Variants in EPG5 observed in about 807,000 individuals in gnomAD.
The protein encoded by EPG5 is ectopic P granules protein 5 homolog.
Under a neutral mutation model 302.7 loss-of-function variants are expected in EPG5, and 159 were observed. That is an observed-to-expected ratio of 0.53 (90% CI 0.46 to 0.60). EPG5 has a LOEUF of 0.60. Ranked by LOEUF, EPG5 falls within the 20% of genes least tolerant of loss-of-function variation. The pLI is 0.00. For synonymous variants in EPG5, 1,158 were observed against 1,136.8 expected (o/e 1.02, Z -0.37); for missense variants, 2,896 against 3,092.4 (o/e 0.94, Z 1.51).
At chr18:45,934,763 A>G (rs562599591) in intron 11 of EPG5, 46 bp downstream of exon 11, 1 of 1,555,168 alleles carries the variant, frequency 6.4e-7, no homozygotes, top group Non-Finnish European at 8.7e-7. Context: ...AGAGAAGCAC[A>G]AAAAGATAGG....
chr18:45,879,316 A>G, intron 32 of EPG5, 102 bp from the exon 33 acceptor site: 2 of 787,772 alleles, frequency 2.5e-6, no homozygotes, highest in South Asian at 3.6e-5. Context: ...CTTTGACTTT[A>G]TAAGAGAGTG....
chr18:45,961,245 T>C (rs1036410060), intron 1 of EPG5, among the ~76,000 whole-genome samples: 1 of 152,204 alleles, frequency 6.6e-6, no homozygotes, highest in African/African-American at 2.4e-5. Context: ...GTCACAGTGA[T>C]TCTTTAAAGC....
intron 27 of EPG5, among the ~76,000 whole-genome samples, chr18:45,897,951 A>G (rs1301542045): frequency 6.6e-6 from 1 of 152,242 alleles, no homozygotes; most frequent in Non-Finnish European, 1.5e-5. Flanking sequence ...AACAAAAAAG[A>G]ATCATTTGTG....
intron 10 of EPG5, among the ~76,000 whole-genome samples, chr18:45,938,328 G>A (rs2050583085): frequency 6.6e-6 from 1 of 152,030 alleles, no homozygotes; most frequent in Non-Finnish European, 1.5e-5. Flanking sequence ...CGGGCATGAT[G>A]GCAAGCGCCT....
At chr18:45,924,552 C>T (rs2050229846) in intron 14 of EPG5, among the ~76,000 whole-genome samples, 2 of 152,186 alleles carry the variant, frequency 1.3e-5, no homozygotes, top group Non-Finnish European at 2.9e-5. Flanking sequence ...CACCATTTTC[C>T]CTTTTAAATG....
downstream of EPG5, among the ~76,000 whole-genome samples, chr18:45,846,076 G>A (rs1278666322): frequency 6.6e-6 from 1 of 152,168 alleles, no homozygotes; most frequent in African/African-American, 2.4e-5. Flanking sequence ...TCCCCCACCA[G>A]TCACAGAAGC....
intron 3 of EPG5, among the ~76,000 whole-genome samples, chr18:45,951,750 CA>C (rs1206962653): frequency 4.3e-4 from 65 of 152,288 alleles, no homozygotes; most frequent in Non-Finnish European, 1.5e-4. Context: ...TGAGCCACCA[CA>C]CCCGGCCATA....
chr18:45,828,193 T>A, the EPG5 span, among the ~76,000 whole-genome samples: 2 of 152,128 alleles, frequency 1.3e-5, no homozygotes, highest in Non-Finnish European at 2.9e-5. Flanking sequence ...CAGACGCCTG[T>A]GCCAACGCAG....
intron 10 of EPG5, among the ~76,000 whole-genome samples, chr18:45,938,876 G>A (rs2050597031): frequency 6.6e-6 from 1 of 152,230 alleles, no homozygotes; most frequent in South Asian, 2.1e-4. Context: ...AGAGTTACAT[G>A]GCAAGAGGGA....
chr18:45,835,080 A>G, the EPG5 span, among the ~76,000 whole-genome samples: 9 of 151,612 alleles, frequency 5.9e-5, no homozygotes, highest in Non-Finnish European at 2.9e-5. Flanking sequence ...TTTGTCCAGA[A>G]AAAAAAAAGG....
At chr18:45,811,863 G>A in the EPG5 span, among the ~76,000 whole-genome samples, 1 of 152,162 alleles carries the variant, frequency 6.6e-6, no homozygotes, top group African/African-American at 2.4e-5. Flanking sequence ...GCACAAGACA[G>A]GGATGCCCTC....
At chr18:45,853,058 C>T (rs549763633) in intron 43 of EPG5, among the ~76,000 whole-genome samples, 122 of 152,348 alleles carry the variant, frequency 8.0e-4, no homozygotes, top group African/African-American at 2.8e-3. Context: ...CCACTCCTTC[C>T]GTTCTAGGGC....
chr18:45,951,252 A>C lies in EPG5; in HGVS notation c.1253-14T>G. The C allele has an allele frequency of 6.9e-7, 1 of 1,451,002 alleles. No homozygotes were observed. Among genetic ancestry groups the C allele is most frequent in the South Asian group, 1.6e-5 (1 of 61,438 alleles). 89.9% of individuals were successfully genotyped at this position (1,451,002 alleles called of 1,614,324 possible). A position where few individuals can be genotyped will look rare whatever the true frequency, so the allele number is the denominator to read the frequency against. On this transcript the variant is annotated splice_polypyrimidine_tract_variant and intron_variant, in intron 3 of 43. Transcript: ENST00000282041. The stretch of plus-strand genomic sequence containing the variant: ...TCTGCTTAGACGCTGTAAATGAAAG[A>C]TATTAAATGAGTCTCTCATAAATGG...
intron 16 of EPG5, among the ~76,000 whole-genome samples, chr18:45,919,650 C>A (rs1478108742): frequency 1.3e-5 from 2 of 151,882 alleles, no homozygotes; most frequent in Non-Finnish European, 2.9e-5. Flanking sequence ...GTAGCTGGGA[C>A]TACAGGCGCC....
Position 45,850,213 on chromosome 18 carries a change from T to G in EPG5, c.*2254A>C, listed in dbSNP as rs1304040816. 6.6e-6 allele frequency: 1 copy of G among 152,316 alleles called. No individual in the cohort carries two copies. Among genetic ancestry groups the G allele is most frequent in the Non-Finnish European group, 1.5e-5 (1 of 68,118 alleles). 9.4% of individuals were successfully genotyped at this position (152,316 alleles called of 1,614,324 possible). A position where few individuals can be genotyped will look rare whatever the true frequency, so the allele number is the denominator to read the frequency against. ...CTGCTCAGTCCACAGGGCCTTGGTC[T>G]TGCTTGATTCCCGTCTTGATGTGCG... On this transcript the variant is annotated 3_prime_UTR_variant, in exon 44 of 44. Coordinates refer to ENST00000282041, the MANE Select transcript of EPG5 (RefSeq NM_020964.3).
chr18:45,925,987 G>A (rs2050259865), intron 13 of EPG5, 85 bp from the exon 14 acceptor site: 2 of 914,662 alleles, frequency 2.2e-6, no homozygotes, highest in South Asian at 1.1e-4. Flanking sequence ...TAAACTGCTT[G>A]TAAAAAAATT....
intron 43 of EPG5, 157 bp downstream of exon 43, chr18:45,855,416 T>A: frequency 1.8e-6 from 1 of 567,440 alleles, no homozygotes; most frequent in Non-Finnish European, 3.1e-6. Flanking sequence ...GGTTGGCACA[T>A]GAAACCATTT....
the EPG5 span, among the ~76,000 whole-genome samples, chr18:45,806,006 T>C: frequency 8.3e-4 from 126 of 152,312 alleles, no homozygotes; most frequent in African/African-American, 2.8e-3. Context: ...ACCAACTACC[T>C]TTTTTATTTA....
intron 4 of EPG5, 144 bp downstream of exon 4, chr18:45,950,958 T>G (rs943628050): frequency 1.9e-6 from 1 of 528,576 alleles, no homozygotes; most frequent in African/African-American, 2.0e-5. Context: ...CTACCATGTA[T>G]CATGATCAAA....
Sources: gnomAD v4.1 joint callset for allele counts (sites outside exome capture counted in the v4.1 genomes callset) on GRCh38, gnomAD v4.1.1 for gene constraint, MANE v1.5 for transcripts, NCBI Gene and HGNC (gene_info 2026-07-23, HGNC 2026-07-21) for gene names.